The following KLHDC8A variants were observed in gnomAD, a reference collection of about 807,000 sequenced individuals.
KLHDC8A encodes the protein kelch domain containing 8A.
A neutral mutation model predicts 33.1 loss-of-function variants in KLHDC8A; 21 were observed. The observed-to-expected ratio is 0.64, with a 90% CI of 0.45 to 0.91. KLHDC8A has a LOEUF of 0.91. Among genes scored for constraint, KLHDC8A ranks in the 40% least tolerant of loss-of-function variants. The pLI, the probability that KLHDC8A is intolerant of heterozygous loss-of-function variation, is 0.00. For synonymous variants in KLHDC8A, 173 were observed against 193.5 expected (o/e 0.89, Z 0.88); for missense variants, 435 against 483.3 (o/e 0.90, Z 0.94).
Position 205,339,135 on chromosome 1 carries a change from G to A in KLHDC8A, c.757+59C>T. 2.1e-6 allele frequency: 3 copies of A among 1,446,612 alleles called. No homozygotes were observed. The highest frequency in any genetic ancestry group is 2.9e-6 in the Non-Finnish European group (3 of 1,036,508). The allele number at this position is 1,446,612 out of a possible 1,614,324, so 89.6% of individuals were successfully genotyped here. A position where few individuals can be genotyped will look rare whatever the true frequency, so the allele number is the denominator to read the frequency against. On this transcript the variant is annotated intron_variant, in intron 4 of 5. Transcript: ENST00000367155. The surrounding 1 kb of genome is among the most constrained non-coding windows in gnomAD (Gnocchi z 5.1). Reference sequence around the variant, plus strand: ...TGGCTGGAATAGGGGTAAGGGATGGGGAGCCAGCCAGAAGGGCAGTGGGCA... The same window carrying A: ...TGGCTGGAATAGGGGTAAGGGATGGAGAGCCAGCCAGAAGGGCAGTGGGCA...
At chr1:205,350,801 C>CTGTGTGTGCGTG (rs1663076664) in intron 1 of KLHDC8A, among the ~76,000 whole-genome samples, 1 of 74,420 alleles carries the variant, frequency 1.3e-5, no homozygotes, top group Non-Finnish European at 3.2e-5. Flanking sequence ...GCGTGCGTGC[C>CTGTGTGTGCGTG]TGTGTGTGCA....
rs755083033 is a variant in KLHDC8A at position 205,343,650 on chromosome 1, G to C, written c.-46C>G. 6.6e-7 allele frequency: 1 copy of C among 1,513,410 alleles called. No individual in the cohort carries two copies. Among genetic ancestry groups the C allele is most frequent in the African/African-American group, 1.4e-5 (1 of 72,004 alleles). The allele number at this position is 1,513,410 out of a possible 1,614,324, so 93.7% of individuals were successfully genotyped here. ...GGGCGCCGGGAGAGGTGCGAGCGCG[G>C]GGGTCCACCGGCTACTTGGCGCCGG... On this transcript the variant is annotated 5_prime_UTR_variant, in exon 2 of 6. Transcript: ENST00000367155.
At position 205,337,989 on chromosome 1, in the gene KLHDC8A, C is replaced by G. The variant is rs1662681324; in HGVS notation, c.860-397G>C. ...TACCTGGAAGCCCTGCTGCCTGGAT[C>G]TCTCTTCCTTGATGATGGGGAACTT... On this transcript the variant is annotated intron_variant, in intron 5 of 5. Transcript: ENST00000367155. Among the ~76,000 whole-genome samples the G allele has an allele frequency of 2.0e-5, 3 of 152,340 alleles. No individual in the cohort carries two copies. The South Asian group carries it at 6.2e-4, about 32-fold the overall frequency.
intron 1 of KLHDC8A, among the ~76,000 whole-genome samples, chr1:205,350,704 T>C (rs1161916741): frequency 6.6e-6 from 1 of 152,210 alleles, no homozygotes; most frequent in Admixed American, 6.5e-5. Flanking sequence ...CGGCTCTGAA[T>C]GATTTACACA....
chr1:205,356,415 G>A (rs1332601724), intron 1 of KLHDC8A, 118 bp downstream of exon 1: 4 of 417,376 alleles, frequency 9.6e-6, no homozygotes, highest in Non-Finnish European at 9.8e-6. Flanking sequence ...TGACCCCCAT[G>A]CCAGCCTGTC....
chr1:205,351,004 A>G (rs1264162350), intron 1 of KLHDC8A, among the ~76,000 whole-genome samples: 1 of 152,116 alleles, frequency 6.6e-6, no homozygotes, highest in Non-Finnish European at 1.5e-5. Context: ...GGCTAAACAA[A>G]AGGCTGGCCT....
At position 205,343,436 on chromosome 1, in the gene KLHDC8A, C is replaced by T. The variant is rs1335565294; in HGVS notation, c.169G>A (p.Asp57Asn). 3.7e-6 allele frequency: 6 copies of T among 1,613,446 alleles called. No individual in the cohort carries two copies. The East Asian group carries it at 1.1e-4, about 30-fold the overall frequency. Reference protein sequence around the residue: ...DCFEVYSPEADQWTALPRLPT... With the variant: ...DCFEVYSPEANQWTALPRLPT... ...AGCCGGGGCAAGGCGGTCCACTGGT[C>T]GGCCTCCGGGGAGTAGACCTCGAAG... Residue 57 changes from aspartate to asparagine, a missense_variant, in exon 2 of 6, where the codon GAC (aspartate) becomes AAC (asparagine). Asp to Asn is a conservative substitution (Grantham distance 23). Transcript: ENST00000367155.
At position 205,343,319 on chromosome 1, in the gene KLHDC8A, C is replaced by G; in HGVS notation, c.286G>C (p.Val96Leu). ...TCATCGATGTTGTACATCTCCACGA[C>G]CTTCAGGGGCAGCTGATTGGTGCCC... ...GVGTNQLPLK[V>L]VEMYNIDEGK... The change falls in exon 2 of 6, where the codon GTC becomes CTC. Residue 96 changes from valine (V) to leucine (L), a missense_variant. Val to Leu is a conservative substitution (Grantham distance 32). Coordinates refer to ENST00000367155, the MANE Select transcript of KLHDC8A (RefSeq NM_018203.3). The G allele has an allele frequency of 6.2e-7, 1 of 1,613,780 alleles. No individual in the cohort carries two copies. The highest frequency in any genetic ancestry group is 1.1e-5 in the South Asian group (1 of 91,088).
At chr1:205,349,262 T>C (rs1362762963) in intron 1 of KLHDC8A, among the ~76,000 whole-genome samples, 1 of 152,194 alleles carries the variant, frequency 6.6e-6, no homozygotes, top group African/African-American at 2.4e-5. Flanking sequence ...GTTATTCAGG[T>C]TCCCTTCCTG....
intron 1 of KLHDC8A, among the ~76,000 whole-genome samples, chr1:205,353,415 A>G (rs191922160): frequency 7.9e-5 from 12 of 152,356 alleles, no homozygotes; most frequent in African/African-American, 2.9e-4. Flanking sequence ...CAGAGAGCGC[A>G]TGGCCCGCAA....
Position 205,346,952 on chromosome 1 carries a change from C to G in KLHDC8A, c.-189-3159G>C, listed in dbSNP as rs185353859. Among the ~76,000 whole-genome samples the G allele has an allele frequency of 9.2e-5, 14 of 152,286 alleles. No individual in the cohort carries two copies. The East Asian group carries it at 2.7e-3, about 29-fold the overall frequency. ...CCCCAGAATAGGCCCCCATTCTAAA[C>G]TAAGGCTCATATCCTACAGGCACCA... On this transcript the variant is annotated intron_variant, in intron 1 of 5. Coordinates refer to ENST00000367155, the MANE Select transcript of KLHDC8A (RefSeq NM_018203.3).
intron 1 of KLHDC8A, among the ~76,000 whole-genome samples, chr1:205,353,353 G>A (rs543934577): frequency 1.3e-5 from 2 of 152,250 alleles, no homozygotes; most frequent in South Asian, 2.1e-4. Context: ...ACTCATTTAC[G>A]TGTTGTCTAT....
At chr1:205,351,164 T>C in intron 1 of KLHDC8A, 1 of 714,028 alleles carries the variant, frequency 1.4e-6, no homozygotes, top group Non-Finnish European at 2.6e-6. Context: ...ACCTGGTACA[T>C]AGCATATATT....
intron 1 of KLHDC8A, among the ~76,000 whole-genome samples, chr1:205,349,062 T>C (rs1663021966): frequency 6.6e-6 from 1 of 152,122 alleles, no homozygotes; most frequent in African/African-American, 2.4e-5. Flanking sequence ...TCCCCCAGCA[T>C]AGAGAAGCCT....
At chr1:205,353,724 C>CACCGTGTCA (rs754859282) in intron 1 of KLHDC8A, among the ~76,000 whole-genome samples, 72 of 152,066 alleles carry the variant, frequency 4.7e-4, no homozygotes, top group Non-Finnish European at 8.2e-4. Flanking sequence ...TGCTTCACAC[C>CACCGTGTCA]ACCGTGGCAA....
chr1:205,351,299 CA>C, intron 1 of KLHDC8A: 2 of 888,306 alleles, frequency 2.3e-6, no homozygotes, highest in South Asian at 1.3e-5. Context: ...AAGAAGTTAT[CA>C]TTGAAATTAA....
intron 1 of KLHDC8A, among the ~76,000 whole-genome samples, chr1:205,347,157 G>A (rs1422754459): frequency 2.6e-5 from 4 of 152,120 alleles, no homozygotes; most frequent in South Asian, 2.1e-4. Context: ...AGTGCACATC[G>A]AGGAAGCTTG....
Position 205,343,619 on chromosome 1 carries a change from G to C in KLHDC8A, c.-15C>G, listed in dbSNP as rs759025672. The C allele has an allele frequency of 9.7e-6, 15 of 1,551,032 alleles. No homozygotes were observed. Among genetic ancestry groups the C allele is most frequent in the Non-Finnish European group, 1.2e-5 (14 of 1,146,610 alleles). Reference sequence around the variant, plus strand: ...GGCACCTCCATGGCAGCCTTGGGGAGCGCCCGGGCGCCGGGAGAGGTGCGA... The same window carrying C: ...GGCACCTCCATGGCAGCCTTGGGGACCGCCCGGGCGCCGGGAGAGGTGCGA... On this transcript the variant is annotated 5_prime_UTR_variant, in exon 2 of 6. Transcript: ENST00000367155.
At chr1:205,342,401 C>G (rs150897272) in intron 2 of KLHDC8A, among the ~76,000 whole-genome samples, 1 of 152,316 alleles carries the variant, frequency 6.6e-6, no homozygotes, top group African/African-American at 2.4e-5. Flanking sequence ...GAGTTTCTCT[C>G]TAGTTACTTT....
Sources: gnomAD v4.1 joint callset for allele counts (sites outside exome capture counted in the v4.1 genomes callset) on GRCh38, gnomAD v4.1.1 for gene constraint, Gnocchi (gnomAD v3.1) non-coding constraint, MANE v1.5 for transcripts, NCBI Gene and HGNC (gene_info 2026-07-23, HGNC 2026-07-21) for gene names.